RBFOX3: variants seen among roughly 807,000 people sequenced by gnomAD.
The protein encoded by RBFOX3 is RNA binding fox-1 homolog 3.
A neutral mutation model predicts 48.7 loss-of-function variants in RBFOX3; 17 were observed. The ratio of observed to expected loss-of-function variants is 0.35; its 90% confidence interval spans 0.24 to 0.52. The LOEUF (loss-of-function observed/expected upper bound fraction) is 0.52. Among genes scored for constraint, RBFOX3 ranks in the 20% least tolerant of loss-of-function variants. RBFOX3 has a pLI of 0.94. For missense variants in RBFOX3, 382 were observed against 497.5 expected (o/e 0.77, Z 2.21); for synonymous variants, 212 against 209.5 (o/e 1.01, Z -0.10).
chr17:79,159,648 A>G (rs2046539536), intron 4 of RBFOX3, among the ~76,000 whole-genome samples: 1 of 152,184 alleles, frequency 6.6e-6, no homozygotes, highest in African/African-American at 2.4e-5. Flanking sequence ...GTAGGGACAC[A>G]TGCACAGGAC....
chr17:79,595,244 C>T (rs1285477649), intron 1 of RBFOX3, among the ~76,000 whole-genome samples: 2 of 152,092 alleles, frequency 1.3e-5, no homozygotes, highest in African/African-American at 4.8e-5. Flanking sequence ...GAAACCGGCA[C>T]GCAGACACGC....
intron 4 of RBFOX3, among the ~76,000 whole-genome samples, chr17:79,135,436 G>A (rs1367090910): frequency 6.6e-6 from 1 of 152,190 alleles, no homozygotes; most frequent in East Asian, 1.9e-4. Flanking sequence ...CTTTGGAGGG[G>A]GTTGCTCTGG....
chr17:79,169,635 C>T (rs1356342206), intron 4 of RBFOX3, among the ~76,000 whole-genome samples: 3 of 152,178 alleles, frequency 2.0e-5, no homozygotes, highest in Non-Finnish European at 4.4e-5. Context: ...GGTCCCGTGG[C>T]ATGAGGCAGC....
intron 4 of RBFOX3, among the ~76,000 whole-genome samples, chr17:79,194,516 G>T (rs1008440644): frequency 1.3e-5 from 2 of 152,134 alleles, no homozygotes; most frequent in African/African-American, 4.8e-5. Flanking sequence ...TGAGGCAGGA[G>T]AATTGCTTGA....
chr17:79,413,749 G>C (rs998429441), intron 2 of RBFOX3, among the ~76,000 whole-genome samples: 3 of 152,228 alleles, frequency 2.0e-5, no homozygotes, highest in Non-Finnish European at 4.4e-5. Context: ...GGTCCAGGAA[G>C]AGCTCGCACC....
chr17:79,189,871 C>T (rs539302067), intron 4 of RBFOX3, among the ~76,000 whole-genome samples: 2 of 152,360 alleles, frequency 1.3e-5, no homozygotes, highest in Non-Finnish European at 2.9e-5. Context: ...CCAGCTCGGA[C>T]TGGGTATCCA....
At position 79,392,817 on chromosome 17, in the gene RBFOX3, A is replaced by T. The variant is rs2061516034; in HGVS notation, c.-174-84993T>A. 6.6e-6 allele frequency among the ~76,000 whole-genome samples: 1 copy of T among 152,230 alleles called. No homozygotes were observed. Among genetic ancestry groups the T allele is most frequent in the Non-Finnish European group, 1.5e-5 (1 of 68,044 alleles). On this transcript the variant is annotated intron_variant, in intron 2 of 14. Coordinates refer to ENST00000693108, the MANE Select transcript of RBFOX3 (RefSeq NM_001350451.2). This position sits in a 1 kb window ranked among gnomAD's most constrained non-coding sequence, Gnocchi z 5.0. ...GATCTCTGATGTGGGGTTGTTTGTT[A>T]CTGAGCATAACCTGCTGCTGCTGAC...
rs542648246 is a variant in RBFOX3, at chr17:79,158,179, G to C, written c.-33-42431C>G. The stretch of plus-strand genomic sequence containing the variant: ...GGCAACGACAGCCATCCACAGCCAA[G>C]GAAGAGAGGCCTCCAACAGAACCAA... On this transcript the variant is annotated intron_variant, in intron 4 of 14. Coordinates refer to ENST00000693108, the MANE Select transcript of RBFOX3 (RefSeq NM_001350451.2). 1.1e-4 allele frequency among the ~76,000 whole-genome samples: 16 copies of C among 152,324 alleles called. No individual in the cohort carries two copies. The South Asian group carries it at 2.1e-3, about 20-fold the overall frequency.
intron 4 of RBFOX3, among the ~76,000 whole-genome samples, chr17:79,139,433 A>G (rs2125963): frequency 0.14 from 21,801 of 152,282 alleles, 2,743 homozygotes; most frequent in East Asian, 0.6. Flanking sequence ...ACTGGGTGCC[A>G]GCTCTGGGCT....
chr17:79,284,540 T>C (rs2071388793), intron 3 of RBFOX3, among the ~76,000 whole-genome samples: 2 of 84,108 alleles, frequency 2.4e-5, no homozygotes, highest in Admixed American at 1.4e-4. Flanking sequence ...GGGAAGAGAC[T>C]CGCTTTTTTT....
intron 2 of RBFOX3, among the ~76,000 whole-genome samples, chr17:79,476,399 C>G (rs1598859525): frequency 1.3e-5 from 2 of 152,136 alleles, no homozygotes; most frequent in Non-Finnish European, 2.9e-5. Flanking sequence ...ACACCAGTGC[C>G]AAAAAGCAGT....
At chr17:79,530,004 T>C (rs2087463863) in intron 1 of RBFOX3, among the ~76,000 whole-genome samples, 1 of 152,224 alleles carries the variant, frequency 6.6e-6, no homozygotes, top group African/African-American at 2.4e-5. Flanking sequence ...ATTTACAACC[T>C]GGCCCTTGAC....
chr17:79,156,018 C>A (rs9903501), intron 4 of RBFOX3, among the ~76,000 whole-genome samples: 6,073 of 152,304 alleles, frequency 0.04, 275 homozygotes, highest in East Asian at 0.25. Flanking sequence ...TCCAGGTGGG[C>A]ATCATTCAGC....
Position 79,363,082 on chromosome 17 carries a change from T to C in RBFOX3, c.-174-55258A>G, listed in dbSNP as rs1276722402. Among the ~76,000 whole-genome samples, 1 of 152,152 alleles carries C rather than the reference T, an allele frequency of 6.6e-6. No homozygotes were observed. Among genetic ancestry groups the C allele is most frequent in the African/African-American group, 2.4e-5 (1 of 41,432 alleles). ...AATTCAGAGGCATGACGCTTGCACA[T>C]GCGAGGTTTCTGGGCCATAGTGAGC... On this transcript the variant is annotated intron_variant, in intron 2 of 14. Coordinates refer to ENST00000693108, the MANE Select transcript of RBFOX3 (RefSeq NM_001350451.2). The surrounding 1 kb of genome is among the most constrained non-coding windows in gnomAD (Gnocchi z 4.7).
chr17:79,207,659 G>A (rs1210176381), intron 4 of RBFOX3, among the ~76,000 whole-genome samples: 1 of 152,174 alleles, frequency 6.6e-6, no homozygotes, highest in African/African-American at 2.4e-5. Flanking sequence ...CTCCTCTCGC[G>A]GGCCTAAGCT....
chr17:79,159,248 T>C (rs1231042414), intron 4 of RBFOX3, among the ~76,000 whole-genome samples: 1 of 152,170 alleles, frequency 6.6e-6, no homozygotes, highest in Non-Finnish European at 1.5e-5. Flanking sequence ...TGTCCACTTA[T>C]GGGAGACCAG....
chr17:79,367,213 T>G (rs1394509378), intron 2 of RBFOX3, among the ~76,000 whole-genome samples: 1 of 150,400 alleles, frequency 6.6e-6, no homozygotes, highest in African/African-American at 2.5e-5. Context: ...CTCGAAGTCC[T>G]CCTCCTCTCC....
chr17:79,484,811 G>A (rs1192151724), intron 1 of RBFOX3, among the ~76,000 whole-genome samples: 1 of 152,100 alleles, frequency 6.6e-6, no homozygotes, highest in Non-Finnish European at 1.5e-5. Context: ...GGGAACTGAA[G>A]ATCTGCACCT....
intron 4 of RBFOX3, among the ~76,000 whole-genome samples, chr17:79,157,458 G>A (rs1403445988): frequency 6.6e-6 from 1 of 152,248 alleles, no homozygotes; most frequent in Non-Finnish European, 1.5e-5. Context: ...GAACACAGAT[G>A]CCTGGCTTCC....
Sources: gnomAD v4.1 joint callset for allele counts (sites outside exome capture counted in the v4.1 genomes callset) on GRCh38, gnomAD v4.1.1 for gene constraint, Gnocchi (gnomAD v3.1) non-coding constraint, MANE v1.5 for transcripts, NCBI Gene and HGNC (gene_info 2026-07-23, HGNC 2026-07-21) for gene names.